Variants in PRSS35 observed in about 807,000 individuals in gnomAD.
The protein encoded by PRSS35 is serine protease 35, also known as inactive serine protease 35.
PRSS35 carries 7 observed loss-of-function variants against 8.1 expected under a neutral mutation model. The observed-to-expected ratio is 0.86, with a 90% CI of 0.49 to 1.62. PRSS35 has a LOEUF of 1.62. PRSS35 is among the 40% of genes most tolerant of loss of function. PRSS35 has a pLI of 0.00. For missense variants in PRSS35, 566 were observed against 518.0 expected, an observed-to-expected ratio of 1.09 and a Z score of -0.90; for synonymous variants, 199 against 188.7, an observed-to-expected ratio of 1.05 and a Z score of -0.45.
chr6:83,515,442 T>A (rs1562032537), intron 1 of PRSS35, among the ~76,000 whole-genome samples: 1 of 152,244 alleles, frequency 6.6e-6, no homozygotes, highest in Non-Finnish European at 1.5e-5. Context: ...TTTCTTAAAA[T>A]AACACATTTT....
At chr6:83,521,428 G>A (rs913725798) in intron 1 of PRSS35, among the ~76,000 whole-genome samples, 8 of 151,886 alleles carry the variant, frequency 5.3e-5, no homozygotes, top group Non-Finnish European at 1.2e-4. Context: ...GTTTTGCAGC[G>A]GTGACTATTA....
chr6:83,523,837 C>T lies in PRSS35; in HGVS notation c.396C>T (p.Ser132=), dbSNP rs142709478. 5.0e-6 allele frequency: 8 copies of T among 1,614,196 alleles called. No homozygotes were observed. The African/African-American group carries it at 8.0e-5, about 16-fold the overall frequency. Residue 132 remains serine (S), a synonymous_variant, in exon 2 of 2, where the codon AGC becomes AGT. Coordinates refer to ENST00000369700, the MANE Select transcript of PRSS35 (RefSeq NM_153362.3). ...RQVYGTDSRF[S]ILDKRFLTNF... The stretch of plus-strand genomic sequence containing the variant: ...TGTATGGCACCGACAGCAGGTTCAG[C>T]ATCTTGGACAAAAGGTTCTTAACCA...
chr6:83,513,890 C>T (rs915030873), intron 1 of PRSS35, among the ~76,000 whole-genome samples: 2 of 151,884 alleles, frequency 1.3e-5, no homozygotes, highest in Non-Finnish European at 2.9e-5. Flanking sequence ...AAATGATTTT[C>T]CTCTGCCCAA....
At chr6:83,515,509 GC>G (rs199741352) in intron 1 of PRSS35, among the ~76,000 whole-genome samples, 1 of 149,304 alleles carries the variant, frequency 6.7e-6, no homozygotes, top group Non-Finnish European at 1.5e-5. Flanking sequence ...TTGTTTGTTT[GC>G]TTTGAGACAG....
intron 1 of PRSS35, among the ~76,000 whole-genome samples, chr6:83,518,333 C>T (rs1379294358): frequency 6.6e-6 from 1 of 151,988 alleles, no homozygotes; most frequent in African/African-American, 2.4e-5. Flanking sequence ...CATTGTAGAT[C>T]ACTCCCTTAG....
chr6:83,523,100 G>A (rs942670049), intron 1 of PRSS35, among the ~76,000 whole-genome samples: 1 of 152,208 alleles, frequency 6.6e-6, no homozygotes, highest in African/African-American at 2.4e-5. Context: ...GCCGACAGAG[G>A]ATTCCAACCT....
intron 1 of PRSS35, among the ~76,000 whole-genome samples, chr6:83,515,442 T>G (rs1562032537): frequency 6.6e-6 from 1 of 152,244 alleles, no homozygotes; most frequent in Non-Finnish European, 1.5e-5. Context: ...TTTCTTAAAA[T>G]AACACATTTT....
intron 1 of PRSS35, among the ~76,000 whole-genome samples, chr6:83,514,278 G>T (rs1771675419): frequency 6.6e-6 from 1 of 152,084 alleles, no homozygotes; most frequent in Non-Finnish European, 1.5e-5. Flanking sequence ...GTCCTCTTGG[G>T]GTTCCTTTAA....
At chr6:83,513,856 G>A (rs1771667312) in intron 1 of PRSS35, among the ~76,000 whole-genome samples, 1 of 151,900 alleles carries the variant, frequency 6.6e-6, no homozygotes, top group Non-Finnish European at 1.5e-5. Context: ...AATTGCTAGT[G>A]TGAGTTAATT....
intron 1 of PRSS35, 94 bp downstream of exon 1, chr6:83,512,788 C>T (rs1178606858): frequency 1.3e-5 from 2 of 152,214 alleles, no homozygotes; most frequent in South Asian, 4.1e-4. Flanking sequence ...CTTTGAAGGA[C>T]TTTGAAGAAA....
Position 83,524,373 on chromosome 6 carries a change from G to T in PRSS35, c.932G>T (p.Gly311Val). 6.2e-7 allele frequency: 1 copy of T among 1,614,168 alleles called. No individual in the cohort carries two copies. The highest frequency in any genetic ancestry group is 8.5e-7 in the Non-Finnish European group (1 of 1,180,038). ...CCTGGTGGAATGATCCACTTCTCAGGATTTGATAACGATAGGGCTGATCAG... is the reference window on the plus strand; with the variant it reads ...CCTGGTGGAATGATCCACTTCTCAGTATTTGATAACGATAGGGCTGATCAG... Reference protein sequence around the residue: ...KMPGGMIHFSGFDNDRADQLV... With the variant: ...KMPGGMIHFSVFDNDRADQLV... The change falls in exon 2 of 2, where the codon GGA becomes GTA. Residue 311 changes from glycine (G) to valine (V), a missense_variant. Coordinates refer to ENST00000369700, the MANE Select transcript of PRSS35 (RefSeq NM_153362.3).
intron 1 of PRSS35, among the ~76,000 whole-genome samples, chr6:83,519,458 A>G (rs993968019): frequency 3.9e-5 from 6 of 152,306 alleles, no homozygotes; most frequent in African/African-American, 1.2e-4. Flanking sequence ...GACTTTCAAA[A>G]TATTATAGCT....
chr6:83,523,813 G>T lies in PRSS35; in HGVS notation c.372G>T (p.Val124=), dbSNP rs768916074. 6.2e-7 allele frequency: 1 copy of T among 1,614,180 alleles called. No homozygotes were observed. Among genetic ancestry groups the T allele is most frequent in the Non-Finnish European group, 8.5e-7 (1 of 1,180,040 alleles). Residue 124 remains valine (V), a synonymous_variant, in exon 2 of 2, where the codon GTG becomes GTT. Transcript: ENST00000369700. ...KGVSVRRKRQ[V]YGTDSRFSIL... is the part of the protein sequence containing the mutation. ...TATCTGTTAGGAGAAAGAGACAGGT[G>T]TATGGCACCGACAGCAGGTTCAGCA...
rs1771860880 is a variant in PRSS35, at chr6:83,523,529, C to G, written c.88C>G (p.His30Asp). 1 of 1,613,986 alleles carries G rather than the reference C, an allele frequency of 6.2e-7. No homozygotes were observed. The highest frequency in any genetic ancestry group is 1.7e-5 in the Admixed American group (1 of 59,992). Reference sequence around the variant, plus strand: ...TGAAATGGAATGGGATTTTATGTGGCACTTGAGAAAGGTACCCCGGATTGT... The same window carrying G: ...TGAAATGGAATGGGATTTTATGTGGGACTTGAGAAAGGTACCCCGGATTGT... ...GSEMEWDFMW[H>D]LRKVPRIVSE... Residue 30 changes from histidine to aspartate, a missense_variant, in exon 2 of 2, where the codon CAC becomes GAC. By Grantham distance (81) the His-to-Asp change is moderately conservative (BLOSUM62 -1). Coordinates refer to ENST00000369700, the MANE Select transcript of PRSS35 (RefSeq NM_153362.3).
intron 1 of PRSS35, among the ~76,000 whole-genome samples, chr6:83,515,927 G>T (rs532199694): frequency 6.6e-6 from 1 of 152,114 alleles, no homozygotes; most frequent in South Asian, 2.1e-4. Flanking sequence ...GGATTCTCCT[G>T]CCTCAGCCTC....
Position 83,524,730 on chromosome 6 carries a change from C to A in PRSS35, c.*47C>A. The A allele has an allele frequency of 1.3e-6, 2 of 1,534,560 alleles. No homozygotes were observed. The highest frequency in any genetic ancestry group is 2.3e-5 in the East Asian group (1 of 44,262). ...TGTATCATCTAAATCACAGAGAAAA[C>A]CAGCTCTGCTTACCGTAGTGAGATC... On this transcript the variant is annotated 3_prime_UTR_variant, in exon 2 of 2. Transcript: ENST00000369700.
intron 1 of PRSS35, 52 bp from the exon 2 acceptor site, chr6:83,523,370 G>A: frequency 7.2e-7 from 1 of 1,381,806 alleles, no homozygotes; most frequent in Non-Finnish European, 9.9e-7. Context: ...AAATGGATAA[G>A]TAAGATTTAA....
At chr6:83,520,402 T>C (rs1215378087) in intron 1 of PRSS35, among the ~76,000 whole-genome samples, 1 of 152,166 alleles carries the variant, frequency 6.6e-6, no homozygotes, top group Non-Finnish European at 1.5e-5. Context: ...TTTCTAACAG[T>C]AGGTCTGGGG....
chr6:83,512,953 GA>G (rs1771651481), intron 1 of PRSS35, among the ~76,000 whole-genome samples: 1 of 152,172 alleles, frequency 6.6e-6, no homozygotes, highest in African/African-American at 2.4e-5. Flanking sequence ...AGCAGTACCA[GA>G]GGGGACCCTC....
Sources: allele counts gnomAD v4.1 joint callset (sites outside exome capture counted in the v4.1 genomes callset), GRCh38; gene constraint gnomAD v4.1.1; transcripts MANE v1.5; gene names NCBI Gene and HGNC (gene_info 2026-07-23, HGNC 2026-07-21).